The following IQCM variants were observed in gnomAD, a reference collection of about 807,000 sequenced individuals.
IQCM encodes the protein IQ motif containing M, also known as IQ domain-containing protein M.
In IQCM, 45 loss-of-function variants were observed where a neutral mutation model predicts 57.6. The ratio of observed to expected loss-of-function variants is 0.78; its 90% confidence interval spans 0.62 to 1.00. The LOEUF is 1.00. Among genes scored for constraint, IQCM ranks in the 50% least tolerant of loss-of-function variants. The probability of loss-of-function intolerance (pLI) is 0.00; values close to 1 mark genes in which losing one functional copy is unlikely to be tolerated. For synonymous variants in IQCM, 148 were observed against 158.9 expected, an observed-to-expected ratio of 0.93 and a Z score of 0.51; for missense variants, 468 against 511.6, an observed-to-expected ratio of 0.91 and a Z score of 0.82.
intron 12 of IQCM, among the ~76,000 whole-genome samples, chr4:149,523,939 A>G (rs1259552511): frequency 6.6e-6 from 1 of 152,184 alleles, no homozygotes; most frequent in Non-Finnish European, 1.5e-5. Context: ...ACTTGTTCAT[A>G]CATAATTGCA....
intron 12 of IQCM, among the ~76,000 whole-genome samples, chr4:149,525,610 C>T (rs1371267461): frequency 6.6e-6 from 1 of 151,786 alleles, no homozygotes; most frequent in Non-Finnish European, 1.5e-5. Flanking sequence ...CTACTCACAC[C>T]ACCTTCAGAT....
intron 13 of IQCM, among the ~76,000 whole-genome samples, chr4:149,432,137 T>C (rs1734929057): frequency 6.6e-6 from 1 of 151,892 alleles, no homozygotes; most frequent in South Asian, 2.1e-4. Context: ...AGTATCAAAA[T>C]ATTTTCAAAG....
At chr4:149,376,400 A>G (rs1427339596) in intron 13 of IQCM, among the ~76,000 whole-genome samples, 1 of 152,166 alleles carries the variant, frequency 6.6e-6, no homozygotes, top group Non-Finnish European at 1.5e-5. Flanking sequence ...GACTGAATAA[A>G]GGACTCTAAA....
intron 5 of IQCM, among the ~76,000 whole-genome samples, chr4:149,722,859 A>G (rs1765569928): frequency 1.3e-5 from 2 of 152,072 alleles, no homozygotes; most frequent in African/African-American, 2.4e-5. Flanking sequence ...TCAGAATTGC[A>G]TTGAGTCTGT....
chr4:149,416,687 T>C (rs139319294), intron 13 of IQCM, among the ~76,000 whole-genome samples: 80 of 152,184 alleles, frequency 5.3e-4, no homozygotes, highest in African/African-American at 1.7e-3. Flanking sequence ...AGAAATGATA[T>C]AATTTTAGGT....
intron 12 of IQCM, among the ~76,000 whole-genome samples, chr4:149,532,602 C>T (rs879342148): frequency 6.6e-6 from 1 of 150,456 alleles, no homozygotes; most frequent in Admixed American, 6.6e-5. Flanking sequence ...GCATATACTA[C>T]CTCTTTACAA....
chr4:149,703,305 T>C (rs996706562), intron 5 of IQCM, among the ~76,000 whole-genome samples: 3 of 151,974 alleles, frequency 2.0e-5, no homozygotes, highest in Non-Finnish European at 2.9e-5. Context: ...CAAATGGGTT[T>C]ATGGAATTAA....
At chr4:149,552,974 T>C (rs1222536503) in intron 11 of IQCM, among the ~76,000 whole-genome samples, 169 bp downstream of exon 11, 1 of 152,216 alleles carries the variant, frequency 6.6e-6, no homozygotes, top group Non-Finnish European at 1.5e-5. Context: ...TTGCAGAGGA[T>C]CCAAATAAAT....
At chr4:149,481,701 G>GTTTTT (rs57465501) in intron 12 of IQCM, among the ~76,000 whole-genome samples, 22 of 51,558 alleles carry the variant, frequency 4.3e-4, no homozygotes, top group South Asian at 1.8e-3. Flanking sequence ...TTCCAGTTTT[G>GTTTTT]TTTTTTTTTT....
intron 12 of IQCM, among the ~76,000 whole-genome samples, chr4:149,544,710 G>T (rs892180060): frequency 2.6e-5 from 4 of 152,078 alleles, no homozygotes; most frequent in Non-Finnish European, 5.9e-5. Context: ...TAGACCAATG[G>T]AATAGAATAG....
chr4:149,660,624 C>T (rs1760098670), intron 7 of IQCM, among the ~76,000 whole-genome samples: 1 of 152,074 alleles, frequency 6.6e-6, no homozygotes, highest in Non-Finnish European at 1.5e-5. Flanking sequence ...AAATGTGGCA[C>T]ATATACACCA....
intron 2 of IQCM, among the ~76,000 whole-genome samples, chr4:149,788,627 A>G (rs1048759260): frequency 6.6e-6 from 1 of 152,236 alleles, no homozygotes; most frequent in African/African-American, 2.4e-5. Context: ...CATACAATCC[A>G]GAAGTCCCAT....
intron 13 of IQCM, among the ~76,000 whole-genome samples, chr4:149,398,663 TG>T (rs1197469612): frequency 6.6e-6 from 1 of 152,044 alleles, no homozygotes; most frequent in Non-Finnish European, 1.5e-5. Flanking sequence ...ATTATTGCAT[TG>T]TTTTTTGACA....
At chr4:149,797,623 G>A (rs1418594753) in intron 2 of IQCM, among the ~76,000 whole-genome samples, 1 of 151,744 alleles carries the variant, frequency 6.6e-6, no homozygotes, top group Non-Finnish European at 1.5e-5. Flanking sequence ...ACTACTTCAA[G>A]GCATTTAAGA....
At chr4:149,481,358 A>G (rs1403971081) in intron 12 of IQCM, among the ~76,000 whole-genome samples, 1 of 151,950 alleles carries the variant, frequency 6.6e-6, no homozygotes, top group Non-Finnish European at 1.5e-5. Flanking sequence ...TTTTCCCCCA[A>G]TGTTTTCTTG....
chr4:149,552,234 A>G (rs1286171540), intron 11 of IQCM, among the ~76,000 whole-genome samples: 1 of 152,218 alleles, frequency 6.6e-6, no homozygotes, highest in African/African-American at 2.4e-5. Context: ...CATTTGCTAG[A>G]TAGTGAGTAT....
At chr4:149,657,041 T>C (rs976041701) in intron 7 of IQCM, among the ~76,000 whole-genome samples, 1 of 152,142 alleles carries the variant, frequency 6.6e-6, no homozygotes, top group African/African-American at 2.4e-5. Flanking sequence ...TTCTAGCTAT[T>C]TTGTAATATA....
chr4:149,813,082 G>C (rs760737783), intron 2 of IQCM, among the ~76,000 whole-genome samples: 4 of 151,894 alleles, frequency 2.6e-5, no homozygotes, highest in Non-Finnish European at 5.9e-5. Context: ...ACATGATGGG[G>C]CTGGATTAAG....
At chr4:149,682,882 G>A (rs942866090) in intron 6 of IQCM, among the ~76,000 whole-genome samples, 2 of 150,944 alleles carry the variant, frequency 1.3e-5, no homozygotes, top group African/African-American at 4.8e-5. Context: ...AAATGGGTGG[G>A]GTCAGGACTC....
Sources: gnomAD v4.1 joint callset for allele counts (sites outside exome capture counted in the v4.1 genomes callset) on GRCh38, gnomAD v4.1.1 for gene constraint, MANE v1.5 for transcripts, NCBI Gene and HGNC (gene_info 2026-07-23, HGNC 2026-07-21) for gene names.